The following ERAP1 variants were observed in gnomAD, a reference collection of about 807,000 sequenced individuals.
ERAP1 encodes the protein adipocyte-derived leucine aminopeptidase.
ERAP1 carries 86 observed loss-of-function variants against 103.7 expected under a neutral mutation model. The observed-to-expected ratio is 0.83, with a 90% CI of 0.70 to 0.99. ERAP1 has a LOEUF of 0.99. Ranked by LOEUF, ERAP1 falls within the 50% of genes least tolerant of loss-of-function variation. The pLI is 0.00. For missense variants in ERAP1, 1,009 were observed against 1,128.4 expected (o/e 0.89, Z 1.52); for synonymous variants, 398 against 402.4 (o/e 0.99, Z 0.13).
chr5:96,853,226 T>C, the ERAP1 span, among the ~76,000 whole-genome samples: 15 of 152,300 alleles, frequency 9.8e-5, no homozygotes, highest in Admixed American at 9.1e-4. Context: ...GACAAAGGAA[T>C]AGCCAAACTT....
At chr5:96,889,269 A>G in the ERAP1 span, 4 of 1,613,962 alleles carry the variant, frequency 2.5e-6, no homozygotes, top group Middle Eastern at 4.9e-4. Context: ...TTTTTATGAA[A>G]AGTACTTTGA....
rs192948517 is a variant in ERAP1, at chr5:96,775,300, A to T, written c.*1096T>A. On this transcript the variant is annotated 3_prime_UTR_variant, in exon 19 of 19. Coordinates refer to ENST00000443439, the MANE Select transcript of ERAP1 (RefSeq NM_001040458.3). ...AGACTTCAAAGCCAAAGAATGTCCT[A>T]TTTGCTAATATGAGCAAATATTTTG... is the stretch of plus-strand genomic sequence containing the variant. 2.0e-6 allele frequency: 2 copies of T among 985,340 alleles called. No homozygotes were observed. Among genetic ancestry groups the T allele is most frequent in the Admixed American group, 1.2e-4 (2 of 16,266 alleles). The allele number at this position is 985,340 out of a possible 1,614,324, so 61.0% of individuals were successfully genotyped here.
the ERAP1 span, among the ~76,000 whole-genome samples, chr5:96,848,005 C>A: frequency 0.081 from 12,039 of 148,710 alleles, 994 homozygotes; most frequent in East Asian, 0.42. Flanking sequence ...ACTAGAAAAA[C>A]AAAAAAAAAA....
chr5:96,841,539 C>A, the ERAP1 span, among the ~76,000 whole-genome samples: 1 of 152,058 alleles, frequency 6.6e-6, no homozygotes, highest in Non-Finnish European at 1.5e-5. Flanking sequence ...GGCACCACCA[C>A]CCCCCCACAA....
chr5:96,884,073 TC>T, the ERAP1 span: 1 of 572,038 alleles, frequency 1.7e-6, no homozygotes, highest in African/African-American at 2.1e-5. Flanking sequence ...TATCTATCTA[TC>T]TATCTATCAT....
At chr5:96,880,330 G>C in the ERAP1 span, 4 of 1,369,162 alleles carry the variant, frequency 2.9e-6, no homozygotes, top group Non-Finnish European at 4.0e-6. Context: ...TCTTTGCCAG[G>C]AGCAGACTTC....
At chr5:96,776,776 TTGCC>T in intron 18 of ERAP1, 1 of 573,498 alleles carries the variant, frequency 1.7e-6, no homozygotes, top group Non-Finnish European at 3.0e-6. Context: ...TTATTCTCAG[TTGCC>T]AGACTTTAAA....
At chr5:96,821,483 C>G in the ERAP1 span, among the ~76,000 whole-genome samples, 1 of 152,158 alleles carries the variant, frequency 6.6e-6, no homozygotes, top group Non-Finnish European at 1.5e-5. Context: ...AGGGGAAGGG[C>G]AGGCCTGGGC....
chr5:96,918,661 T>C, the ERAP1 span: 2 of 152,326 alleles, frequency 1.3e-5, no homozygotes, highest in African/African-American at 4.8e-5. Context: ...ACCTCAAGGG[T>C]AGATTTTTGA....
At chr5:96,890,032 T>C in the ERAP1 span, among the ~76,000 whole-genome samples, 1 of 152,200 alleles carries the variant, frequency 6.6e-6, no homozygotes, top group Admixed American at 6.5e-5. Context: ...GGTAAGACTG[T>C]GGAACAGATT....
chr5:96,869,294 ACTG>A, the ERAP1 span, among the ~76,000 whole-genome samples: 6 of 152,232 alleles, frequency 3.9e-5, no homozygotes, highest in East Asian at 9.6e-4. Context: ...CTAGTTGATA[ACTG>A]CTTATTTAAA....
At chr5:96,849,394 GAACT>G in the ERAP1 span, among the ~76,000 whole-genome samples, 1 of 152,018 alleles carries the variant, frequency 6.6e-6, no homozygotes, top group Non-Finnish European at 1.5e-5. Context: ...AAAACTGTTA[GAACT>G]AATAAACAAA....
At chr5:96,924,731 G>A in the ERAP1 span, among the ~76,000 whole-genome samples, 18 of 151,970 alleles carry the variant, frequency 1.2e-4, no homozygotes, top group East Asian at 7.7e-4. Flanking sequence ...ACGAGTAGCC[G>A]GGACTACAGG....
chr5:96,788,661 C>A lies in ERAP1; in HGVS notation c.1549G>T (p.Val517Leu). The change falls in exon 11 of 19, where the codon GTG (valine) becomes TTG (leucine). Residue 517 changes from valine to leucine, a missense_variant. Val to Leu is a conservative substitution (Grantham distance 32). Around this residue, in one of 3 missense-constraint regions of ERAP1, gnomAD observed 611 missense variants for 651.7 expected, o/e 0.94. Transcript: ENST00000443439. ...SSHWHQEGVD[V>L]KTMMNTWTLQ... ...GTCCAAGTGTTCATCATGGTTTTCA[C>A]ATCCACCCCTTCCTGATGCCAATGC... is the stretch of plus-strand genomic sequence containing the variant. 1 of 1,614,172 alleles carries A rather than the reference C, an allele frequency of 6.2e-7. No individual in the cohort carries two copies.
At position 96,792,147 on chromosome 5, in the gene ERAP1, C is replaced by A. The variant is rs774673424; in HGVS notation, c.1234G>T (p.Ala412Ser). The part of the protein sequence containing the change: ...GKCFDAMEVD[A>S]LNSSHPVSTP... ...GACACAGGGTGTGAGGAATTTAAAG[C>A]ATCTACCTCCATTGCGTCAAAACAT... Residue 412 changes from alanine (A) to serine (S), a missense_variant, in exon 8 of 19, where the codon GCT becomes TCT. By Grantham distance (99) the Ala-to-Ser change is moderately conservative (BLOSUM62 1). Transcript: ENST00000443439. 1.2e-6 allele frequency: 2 copies of A among 1,613,722 alleles called. No individual in the cohort carries two copies. Among genetic ancestry groups the A allele is most frequent in the Admixed American group, 3.3e-5 (2 of 60,008 alleles).
At chr5:96,849,648 T>C in the ERAP1 span, among the ~76,000 whole-genome samples, 2,768 of 152,274 alleles carry the variant, frequency 0.018, 89 homozygotes, top group African/African-American at 0.063. Flanking sequence ...ATTCACTGAT[T>C]AGAAGAATTA....
At chr5:96,792,019 T>C (rs775621394) in intron 8 of ERAP1, 42 bp downstream of exon 8, 2 of 1,609,724 alleles carry the variant, frequency 1.2e-6, no homozygotes, top group Non-Finnish European at 1.7e-6. Context: ...TATGTATAAC[T>C]TTAGTATCTA....
the ERAP1 span, chr5:96,912,659 AT>A: frequency 6.2e-7 from 1 of 1,610,338 alleles, no homozygotes; most frequent in Non-Finnish European, 8.5e-7. Flanking sequence ...TGTTTTAAAG[AT>A]TGTGTATTCT....
chr5:96,834,307 T>TA, the ERAP1 span, among the ~76,000 whole-genome samples: 46 of 152,224 alleles, frequency 3.0e-4, no homozygotes, highest in Admixed American at 2.4e-3. Flanking sequence ...GAAGGGGTCC[T>TA]ATTCCAGCTC....
Sources: allele counts gnomAD v4.1 joint callset (sites outside exome capture counted in the v4.1 genomes callset), GRCh38; gene constraint gnomAD v4.1.1; regional missense constraint gnomAD v4.1.1; transcripts MANE v1.5; gene names NCBI Gene and HGNC (gene_info 2026-07-23, HGNC 2026-07-21).